Variants in RFX2 observed in about 807,000 individuals in gnomAD.
RFX2 encodes the protein regulatory factor X2.
RFX2 carries 20 observed loss-of-function variants against 87.8 expected under a neutral mutation model. The ratio of observed to expected loss-of-function variants is 0.23; its 90% CI spans 0.16 to 0.33. The LOEUF is 0.33. RFX2 is among the 10% of genes least tolerant of loss of function. The pLI, the probability that RFX2 is intolerant of heterozygous loss-of-function variation, is 1.00. For missense variants in RFX2, 767 were observed against 1,012.3 expected, an observed-to-expected ratio of 0.76 and a Z score of 3.29; for synonymous variants, 397 against 431.3, an observed-to-expected ratio of 0.92 and a Z score of 0.98.
intron 4 of RFX2, 24 bp downstream of exon 4, chr19:6,042,020 G>A (rs751212291): frequency 5.6e-6 from 9 of 1,604,216 alleles, no homozygotes; most frequent in African/African-American, 1.3e-5. Context: ...GGTTCCGGGT[G>A]TGGCCCGCGG....
intron 1 of RFX2, among the ~76,000 whole-genome samples, chr19:6,096,319 C>CT (rs1285459915): frequency 6.6e-6 from 1 of 152,234 alleles, no homozygotes; most frequent in Non-Finnish European, 1.5e-5. Context: ...ATGTGATACC[C>CT]TGCAGGTTTC....
rs1046840114 is a variant in RFX2 at position 6,001,750 on chromosome 19, C to T, written c.1859+65G>A. Reference sequence around the variant, plus strand: ...GAGCTCACCAGCCGAGCCCCCTACCCTCTAGAAGTTTCTCTCAGAGCCCCC... The same window carrying T: ...GAGCTCACCAGCCGAGCCCCCTACCTTCTAGAAGTTTCTCTCAGAGCCCCC... On this transcript the variant is annotated intron_variant, in intron 15 of 17. Transcript: ENST00000303657. The surrounding 1 kb of genome is among the most constrained non-coding windows in gnomAD (Gnocchi z 5.6). 11 of 1,426,694 alleles carry T rather than the reference C, an allele frequency of 7.7e-6. No individual in the cohort carries two copies. The highest frequency in any genetic ancestry group is 2.6e-5 in the South Asian group (2 of 77,530). 88.4% of individuals were successfully genotyped at this position (1,426,694 alleles called of 1,614,324 possible).
At chr19:6,085,362 T>G (rs2087842548) in intron 1 of RFX2, among the ~76,000 whole-genome samples, 1 of 152,262 alleles carries the variant, frequency 6.6e-6, no homozygotes, top group African/African-American at 2.4e-5. Flanking sequence ...TTTGCATTTC[T>G]GCAATGATAA....
At chr19:6,106,031 T>C (rs2088211368) in intron 1 of RFX2, among the ~76,000 whole-genome samples, 1 of 152,192 alleles carries the variant, frequency 6.6e-6, no homozygotes, top group African/African-American at 2.4e-5. Flanking sequence ...CAGTTCCCTA[T>C]AGGCCTGTTA....
At chr19:6,089,755 A>G (rs975054710) in intron 1 of RFX2, among the ~76,000 whole-genome samples, 3 of 152,172 alleles carry the variant, frequency 2.0e-5, no homozygotes, top group African/African-American at 7.2e-5. Context: ...GAAGCCAGCC[A>G]GTCTCTAATA....
chr19:6,009,852 C>T (rs1599847596), intron 9 of RFX2, among the ~76,000 whole-genome samples: 1 of 152,216 alleles, frequency 6.6e-6, no homozygotes, highest in Non-Finnish European at 1.5e-5. Flanking sequence ...GGGCATGAGC[C>T]GCCTGTCCTC....
At chr19:6,076,891 T>C (rs945030760) in intron 1 of RFX2, 1 of 152,244 alleles carries the variant, frequency 6.6e-6, no homozygotes, top group Non-Finnish European at 1.5e-5. Context: ...TTTAACCAAG[T>C]ACTTAATACT....
intron 3 of RFX2, among the ~76,000 whole-genome samples, chr19:6,042,623 C>T (rs1006801935): frequency 1.3e-5 from 2 of 152,220 alleles, no homozygotes; most frequent in Non-Finnish European, 2.9e-5. Flanking sequence ...CAACACCCCC[C>T]GTGGGTGGCC....
chr19:6,071,708 C>T (rs1027784602), intron 1 of RFX2, among the ~76,000 whole-genome samples: 16 of 149,868 alleles, frequency 1.1e-4, no homozygotes, highest in Non-Finnish European at 2.2e-4. Flanking sequence ...AGAATTAAAC[C>T]CAAAGAGGGA....
At chr19:6,072,692 G>C (rs1246100358) in intron 1 of RFX2, 1 of 399,570 alleles carries the variant, frequency 2.5e-6, no homozygotes, top group Non-Finnish European at 4.7e-6. Context: ...GCGACAGAGA[G>C]AGATCCTGTC....
Position 6,010,338 on chromosome 19 carries a change from T to G in RFX2, c.900-87A>C, listed in dbSNP as rs765005835. On this transcript the variant is annotated intron_variant, in intron 8 of 17. Coordinates refer to ENST00000303657, the MANE Select transcript of RFX2 (RefSeq NM_000635.4). The surrounding 1 kb of genome is among the most constrained non-coding windows in gnomAD (Gnocchi z 5.0). Reference sequence around the variant, plus strand: ...GACTGGGGGGCTGGGCAGGATTCAGTCAGGCATGTGTGTGTGATGTTTACA... The same window carrying G: ...GACTGGGGGGCTGGGCAGGATTCAGGCAGGCATGTGTGTGTGATGTTTACA... The G allele has an allele frequency of 4.8e-6, 4 of 829,174 alleles. No homozygotes were observed. The East Asian group carries it at 1.1e-4, about 22-fold the overall frequency. The allele number at this position is 829,174 out of a possible 1,614,324, so 51.4% of individuals were successfully genotyped here. A position where few individuals can be genotyped will look rare whatever the true frequency, so the allele number is the denominator to read the frequency against.
intron 1 of RFX2, among the ~76,000 whole-genome samples, chr19:6,051,196 G>T (rs1205036611): frequency 6.6e-6 from 1 of 152,126 alleles, no homozygotes. Flanking sequence ...TCTATTAGGA[G>T]TAAATATCAC....
At chr19:6,049,242 CGGGT>C in intron 1 of RFX2, 1 of 151,246 alleles carries the variant, frequency 6.6e-6, no homozygotes, top group African/African-American at 2.5e-5. Context: ...TGAAGCCAAG[CGGGT>C]AGCATCAGTG....
At position 6,046,928 on chromosome 19, in the gene RFX2, T is replaced by C. The variant is rs1403645828; in HGVS notation, c.90+479A>G. On this transcript the variant is annotated intron_variant, in intron 2 of 17. Coordinates refer to ENST00000303657, the MANE Select transcript of RFX2 (RefSeq NM_000635.4). ...ACAGGTGCAGCCCACCACGCTTGGC[T>C]AATTTTTTTTTTTTTTTTTTAGAGA... is the stretch of plus-strand genomic sequence containing the variant. Among the ~76,000 whole-genome samples the C allele has an allele frequency of 2.1e-5, 3 of 145,054 alleles. No individual in the cohort carries two copies. The East Asian group carries it at 5.8e-4, about 28-fold the overall frequency.
chr19:6,103,745 T>G (rs58452134), intron 1 of RFX2, among the ~76,000 whole-genome samples: 6,034 of 152,042 alleles, frequency 0.04, 429 homozygotes, highest in African/African-American at 0.14. Context: ...TACCCATGAG[T>G]TTCTAGGTTA....
intron 1 of RFX2, among the ~76,000 whole-genome samples, chr19:6,053,491 T>C (rs772954230): frequency 2.0e-5 from 3 of 152,226 alleles, no homozygotes; most frequent in Admixed American, 6.5e-5. Flanking sequence ...CTATGGACTT[T>C]GGGTGAAAAT....
In RFX2 at chr19:6,007,092, C is replaced by A. The variant is rs140345035; in HGVS notation, c.1322G>T (p.Arg441Met). ...ISLCQCDPIL[R>M]WMRSCDHILY... ...GATGTGGTCGCAGCTCCTCATCCAC[C>A]TGAGGATGGGGTCGCACTGACACAG... The change falls in exon 12 of 18, where the codon AGG becomes ATG. Residue 441 changes from arginine (R) to methionine (M), a missense_variant. Physicochemically the swap from Arg to Met is moderately conservative, Grantham distance 91. Coordinates refer to ENST00000303657, the MANE Select transcript of RFX2 (RefSeq NM_000635.4). This position sits in a 1 kb window ranked among gnomAD's most constrained non-coding sequence, Gnocchi z 8.2. The A allele has an allele frequency of 6.2e-7, 1 of 1,613,862 alleles. No homozygotes were observed. Among genetic ancestry groups the A allele is most frequent in the East Asian group, 2.2e-5 (1 of 44,880 alleles).
At chr19:6,096,291 A>G (rs2088022224) in intron 1 of RFX2, among the ~76,000 whole-genome samples, 1 of 152,244 alleles carries the variant, frequency 6.6e-6, no homozygotes, top group Admixed American at 6.5e-5. Context: ...AGAGTAGCCA[A>G]CAACAAAACA....
chr19:6,077,841 G>A (rs1456266987), intron 1 of RFX2, among the ~76,000 whole-genome samples: 1 of 152,056 alleles, frequency 6.6e-6, no homozygotes. Context: ...TTAGCCGGGC[G>A]TGGTGGCACA....
Sources: allele counts gnomAD v4.1 joint callset (sites outside exome capture counted in the v4.1 genomes callset), GRCh38; gene constraint gnomAD v4.1.1; non-coding constraint Gnocchi (gnomAD v3.1); transcripts MANE v1.5; gene names NCBI Gene and HGNC (gene_info 2026-07-23, HGNC 2026-07-21).